FTO: variants seen among roughly 807,000 people sequenced by gnomAD.
The protein encoded by FTO is FTO alpha-ketoglutarate dependent dioxygenase, also known as alpha-ketoglutarate-dependent dioxygenase FTO.
FTO carries 47 observed loss-of-function variants against 63.9 expected under a neutral mutation model. The ratio of observed to expected loss-of-function variants is 0.74; its 90% CI spans 0.58 to 0.94. The LOEUF is 0.94. Among genes scored for constraint, FTO ranks in the 40% least tolerant of loss-of-function variants. The probability of loss-of-function intolerance (pLI) is 0.00; values close to 1 mark genes in which losing one functional copy is unlikely to be tolerated. For missense variants in FTO, 562 were observed against 618.1 expected, an observed-to-expected ratio of 0.91 and a Z score of 0.96; for synonymous variants, 207 against 224.4, an observed-to-expected ratio of 0.92 and a Z score of 0.69.
chr16:53,710,781 A>G (rs2075751556), intron 1 of FTO, among the ~76,000 whole-genome samples: 1 of 152,206 alleles, frequency 6.6e-6, no homozygotes, highest in Non-Finnish European at 1.5e-5. Flanking sequence ...GTATCTGGTA[A>G]CAGTGGGCAT....
chr16:53,842,392 G>A (rs926057260), intron 3 of FTO, among the ~76,000 whole-genome samples: 3 of 152,194 alleles, frequency 2.0e-5, no homozygotes, highest in Non-Finnish European at 4.4e-5. Flanking sequence ...AATAGTAAGT[G>A]CTCAATAAAT....
chr16:54,004,425 G>T (rs754384967), intron 8 of FTO, among the ~76,000 whole-genome samples: 2 of 148,870 alleles, frequency 1.3e-5, no homozygotes, highest in Non-Finnish European at 1.5e-5. Flanking sequence ...AATAAATGTC[G>T]TGGTTTTTTT....
chr16:53,753,271 A>T (rs1393810139), intron 1 of FTO, among the ~76,000 whole-genome samples: 2 of 151,790 alleles, frequency 1.3e-5, no homozygotes, highest in Admixed American at 6.6e-5. Flanking sequence ...AAAAAAAACA[A>T]AACAAAACAA....
chr16:53,787,110 C>CAAAAAA (rs35391915), intron 1 of FTO, among the ~76,000 whole-genome samples: 834 of 56,248 alleles, frequency 0.015, 24 homozygotes, highest in Middle Eastern at 0.045. Context: ...GACTCCTTCT[C>CAAAAAA]AAAAAAAAAA....
At chr16:54,103,381 A>G (rs1465852735) in intron 8 of FTO, among the ~76,000 whole-genome samples, 2 of 152,164 alleles carry the variant, frequency 1.3e-5, no homozygotes, top group Non-Finnish European at 2.9e-5. Flanking sequence ...TCAAGTGGTC[A>G]TGGTTGAAGA....
intron 1 of FTO, among the ~76,000 whole-genome samples, chr16:53,707,438 A>G (rs891387252): frequency 1.3e-5 from 2 of 152,168 alleles, no homozygotes; most frequent in Non-Finnish European, 2.9e-5. Context: ...TTACATTTGC[A>G]AGGACACTTT....
chr16:54,053,710 A>G (rs1309238688), intron 8 of FTO, among the ~76,000 whole-genome samples: 4 of 152,070 alleles, frequency 2.6e-5, no homozygotes, highest in African/African-American at 7.2e-5. Context: ...TCAGATCTCT[A>G]TTTGTCAAGC....
At chr16:53,951,808 A>T (rs2082807758) in intron 8 of FTO, among the ~76,000 whole-genome samples, 1 of 151,236 alleles carries the variant, frequency 6.6e-6, no homozygotes, top group Non-Finnish European at 1.5e-5. Context: ...GACTCAAATC[A>T]ATCTTGTTTT....
chr16:53,741,296 G>T (rs1420818135), intron 1 of FTO, among the ~76,000 whole-genome samples: 1 of 152,162 alleles, frequency 6.6e-6, no homozygotes, highest in African/African-American at 2.4e-5. Flanking sequence ...GACTTTTTCT[G>T]TGCATTTGCG....
chr16:54,078,797 C>T (rs547454885), intron 8 of FTO, among the ~76,000 whole-genome samples: 15 of 152,146 alleles, frequency 9.9e-5, no homozygotes, highest in African/African-American at 2.2e-4. Context: ...TGGTGGTTCA[C>T]GCCTGGTGGG....
At chr16:53,722,196 T>C (rs1001037881) in intron 1 of FTO, among the ~76,000 whole-genome samples, 1 of 152,234 alleles carries the variant, frequency 6.6e-6, no homozygotes, top group Admixed American at 6.5e-5. Flanking sequence ...ATGGTACATT[T>C]ACTGGTGTAT....
At chr16:54,066,726 T>A (rs1204642042) in intron 8 of FTO, among the ~76,000 whole-genome samples, 1 of 152,184 alleles carries the variant, frequency 6.6e-6, no homozygotes, top group African/African-American at 2.4e-5. Context: ...ATAGAGTGGA[T>A]GTTTGGAAGA....
At chr16:54,022,010 A>G (rs1230745357) in intron 8 of FTO, among the ~76,000 whole-genome samples, 2 of 152,348 alleles carry the variant, frequency 1.3e-5, no homozygotes, top group East Asian at 1.9e-4. Flanking sequence ...TTTTTCAAGA[A>G]AAATTTTACA....
intron 4 of FTO, among the ~76,000 whole-genome samples, chr16:53,850,847 G>T (rs1481225083): frequency 2.0e-5 from 3 of 151,996 alleles, no homozygotes; most frequent in African/African-American, 7.3e-5. Flanking sequence ...GGTGATGGTT[G>T]CACATCTCTG....
At chr16:53,955,298 G>T (rs1020914849) in intron 8 of FTO, among the ~76,000 whole-genome samples, 1 of 152,190 alleles carries the variant, frequency 6.6e-6, no homozygotes, top group African/African-American at 2.4e-5. Context: ...CCTGTTTCTT[G>T]TGCTGGTAGA....
At chr16:53,901,841 T>C (rs2081411516) in intron 7 of FTO, among the ~76,000 whole-genome samples, 1 of 152,208 alleles carries the variant, frequency 6.6e-6, no homozygotes, top group South Asian at 2.1e-4. Context: ...GAGTAATAAC[T>C]CTCAGTTTGT....
intron 3 of FTO, among the ~76,000 whole-genome samples, chr16:53,840,981 G>A (rs2079457934): frequency 6.6e-6 from 1 of 151,270 alleles, no homozygotes; most frequent in Non-Finnish European, 1.5e-5. Context: ...ACACCTTCGT[G>A]AGTTCTTTTC....
intron 8 of FTO, among the ~76,000 whole-genome samples, chr16:54,014,762 G>T (rs1210017396): frequency 1.3e-5 from 2 of 151,212 alleles, no homozygotes; most frequent in Non-Finnish European, 2.9e-5. Context: ...CGTTTAGCTT[G>T]CCTGAAGTGT....
In FTO at chr16:54,111,865, AC is replaced by A. The variant is rs1342345426; in HGVS notation, c.1469del (p.Thr490LysfsTer63). On this transcript the variant is annotated frameshift_variant, in exon 9 of 9. Transcript: ENST00000471389. LOFTEE classifies it high-confidence loss of function. ...DASMPLPFDL[T>X]DIVSELRGQL... Reference sequence around the variant, plus strand: ...TTCGATGCCTCTGCCGTTTGACCTCACAGACATCGTTTCAGAACTCAGAGGT... The same window carrying A: ...TTCGATGCCTCTGCCGTTTGACCTCAAGACATCGTTTCAGAACTCAGAGGT... 6.2e-7 allele frequency: 1 copy of A among 1,614,108 alleles called. No homozygotes were observed. Among genetic ancestry groups the A allele is most frequent in the South Asian group, 1.1e-5 (1 of 91,068 alleles).
Sources: allele counts gnomAD v4.1 joint callset (sites outside exome capture counted in the v4.1 genomes callset), GRCh38; gene constraint gnomAD v4.1.1; transcripts MANE v1.5; gene names NCBI Gene and HGNC (gene_info 2026-07-23, HGNC 2026-07-21).